NXPH2: variants seen among roughly 807,000 people sequenced by gnomAD.
NXPH2 encodes neurexophilin 2, also known as neurexophilin-2.
NXPH2 carries 5 observed loss-of-function variants against 19.8 expected under a neutral mutation model. The ratio of observed to expected loss-of-function variants is 0.25; its 90% CI spans 0.13 to 0.53. The LOEUF is 0.53. Ranked by LOEUF, NXPH2 falls within the 20% of genes least tolerant of loss-of-function variation. The pLI, the probability that NXPH2 is intolerant of heterozygous loss-of-function variation, is 0.96. For synonymous variants in NXPH2, 154 were observed against 127.4 expected (o/e 1.21, Z -1.41); for missense variants, 289 against 322.8 (o/e 0.90, Z 0.80).
chr2:138,763,018 C>T (rs2104839995), intron 1 of NXPH2, among the ~76,000 whole-genome samples: 1 of 152,330 alleles, frequency 6.6e-6, no homozygotes, highest in African/African-American at 2.4e-5. Context: ...CTGCTAAAAT[C>T]ATATCTGGTC....
In NXPH2 at chr2:138,721,996, C is replaced by T. The variant is rs567140297; in HGVS notation, c.52-50331G>A. Among the ~76,000 whole-genome samples the T allele has an allele frequency of 1.1e-4, 16 of 152,328 alleles. No homozygotes were observed. In the East Asian group the frequency reaches 3.1e-3, roughly 29 times the overall value. ...CTTGATTCAGTAGAAAGAGCACAGG[C>T]TACAGACAGTCAGACTGGGAGTTGA... On this transcript the variant is annotated intron_variant, in intron 1 of 1. Transcript: ENST00000272641.
intron 1 of NXPH2, among the ~76,000 whole-genome samples, chr2:138,752,720 G>T (rs1227150393): frequency 6.6e-6 from 1 of 151,970 alleles, no homozygotes; most frequent in African/African-American, 2.4e-5. Context: ...TTTAGCTATC[G>T]TGTCTCCTGG....
At chr2:138,750,083 G>A (rs905321574) in intron 1 of NXPH2, among the ~76,000 whole-genome samples, 1 of 152,062 alleles carries the variant, frequency 6.6e-6, no homozygotes, top group Non-Finnish European at 1.5e-5. Context: ...AAATACACAA[G>A]GGATACATAC....
intron 1 of NXPH2, among the ~76,000 whole-genome samples, chr2:138,696,574 C>T (rs1448793669): frequency 6.6e-6 from 1 of 152,094 alleles, no homozygotes; most frequent in Non-Finnish European, 1.5e-5. Flanking sequence ...ACTAGAAGGG[C>T]TAAAATTAAA....
At chr2:138,749,166 T>A (rs1681788161) in intron 1 of NXPH2, among the ~76,000 whole-genome samples, 2 of 151,968 alleles carry the variant, frequency 1.3e-5, no homozygotes, top group South Asian at 4.2e-4. Flanking sequence ...TCTCAGGAGG[T>A]CTAATGGTTT....
At chr2:138,709,101 C>T (rs1014847766) in intron 1 of NXPH2, among the ~76,000 whole-genome samples, 52 of 152,088 alleles carry the variant, frequency 3.4e-4, no homozygotes, top group African/African-American at 1.1e-3. Context: ...GAGCTAATTC[C>T]AATCAACGAG....
chr2:138,699,489 T>A (rs1193086313), intron 1 of NXPH2, among the ~76,000 whole-genome samples: 1 of 152,056 alleles, frequency 6.6e-6, no homozygotes, highest in Non-Finnish European at 1.5e-5. Context: ...GGCAAGACAT[T>A]TCCCTCTGGC....
chr2:138,734,734 A>C (rs544814571), intron 1 of NXPH2, among the ~76,000 whole-genome samples: 5 of 152,330 alleles, frequency 3.3e-5, no homozygotes, highest in Non-Finnish European at 5.9e-5. Context: ...GGGTGAAGAA[A>C]GTATGAAACC....
chr2:138,719,759 T>C (rs1036285728), intron 1 of NXPH2, among the ~76,000 whole-genome samples: 1 of 152,158 alleles, frequency 6.6e-6, no homozygotes, highest in African/African-American at 2.4e-5. Flanking sequence ...AAAATTAGTC[T>C]TTATTTTTTC....
chr2:138,767,673 G>A (rs1006581114), intron 1 of NXPH2, among the ~76,000 whole-genome samples: 1 of 151,832 alleles, frequency 6.6e-6, no homozygotes, highest in Non-Finnish European at 1.5e-5. Context: ...AAGATAAAAC[G>A]TTTTTTTCCT....
At chr2:138,695,514 T>G (rs1001366297) in intron 1 of NXPH2, among the ~76,000 whole-genome samples, 11 of 152,172 alleles carry the variant, frequency 7.2e-5, no homozygotes, top group African/African-American at 2.7e-4. Context: ...TCTGCCCAAA[T>G]AAATCTATAT....
At chr2:138,685,112 T>C (rs1415179377) in intron 1 of NXPH2, among the ~76,000 whole-genome samples, 1 of 152,218 alleles carries the variant, frequency 6.6e-6, no homozygotes, top group African/African-American at 2.4e-5. Flanking sequence ...TTCTTGATTA[T>C]TGGGGTTGGC....
At chr2:138,729,241 G>A (rs1681408146) in intron 1 of NXPH2, among the ~76,000 whole-genome samples, 2 of 152,144 alleles carry the variant, frequency 1.3e-5, no homozygotes, top group South Asian at 4.1e-4. Context: ...GGAGGTAATT[G>A]AATCATGGGG....
intron 1 of NXPH2, among the ~76,000 whole-genome samples, chr2:138,707,094 C>CAAAAAAAAAAAAAAAAAAAAAAA (rs70982073): frequency 0.021 from 721 of 34,758 alleles, 230 homozygotes; most frequent in South Asian, 0.059. Context: ...TGCCCCATGA[C>CAAAAAAAAAAAAAAAAAAAAAAA]AAAAAAAAAA....
At chr2:138,779,763 CTG>C (rs1285127812) in intron 1 of NXPH2, among the ~76,000 whole-genome samples, 1 of 152,204 alleles carries the variant, frequency 6.6e-6, no homozygotes, top group Non-Finnish European at 1.5e-5. Context: ...GGAGAAGTGT[CTG>C]TGTGCATCTG....
intron 1 of NXPH2, among the ~76,000 whole-genome samples, chr2:138,704,813 C>T (rs569366867): frequency 7.1e-5 from 10 of 140,010 alleles, no homozygotes; most frequent in South Asian, 2.6e-4. Flanking sequence ...TGCACCACCA[C>T]GCCCAGCTAA....
At chr2:138,717,574 A>G (rs554887632) in intron 1 of NXPH2, among the ~76,000 whole-genome samples, 1 of 152,042 alleles carries the variant, frequency 6.6e-6, no homozygotes, top group Non-Finnish European at 1.5e-5. Flanking sequence ...GATGGATCTA[A>G]TCAACTCCCA....
chr2:138,761,032 T>A (rs2104839025), intron 1 of NXPH2, among the ~76,000 whole-genome samples: 1 of 152,290 alleles, frequency 6.6e-6, no homozygotes, highest in East Asian at 1.9e-4. Flanking sequence ...AACTGATGAA[T>A]AACCCTGCCA....
chr2:138,682,831 A>G (rs951122759), intron 1 of NXPH2, among the ~76,000 whole-genome samples: 4 of 152,226 alleles, frequency 2.6e-5, no homozygotes, highest in African/African-American at 9.6e-5. Context: ...CTGAAAAATC[A>G]GTGACACCAA....
Sources: allele counts gnomAD v4.1 joint callset (sites outside exome capture counted in the v4.1 genomes callset), GRCh38; gene constraint gnomAD v4.1.1; transcripts MANE v1.5; gene names NCBI Gene and HGNC (gene_info 2026-07-23, HGNC 2026-07-21).